Variants in ARFGEF2 observed in about 807,000 individuals in gnomAD.
ARFGEF2 encodes the protein ARF guanine nucleotide exchange factor 2.
Under a neutral mutation model 219.9 loss-of-function variants are expected in ARFGEF2, and 74 were observed. The ratio of observed to expected loss-of-function variants is 0.34; its 90% CI spans 0.28 to 0.41. The LOEUF (loss-of-function observed/expected upper bound fraction) is 0.41, where lower values mean the gene tolerates loss of function less well. Ranked by LOEUF, ARFGEF2 falls within the 10% of genes least tolerant of loss-of-function variation. The pLI is 1.00. For missense variants in ARFGEF2, 1,743 were observed against 2,218.3 expected (o/e 0.79, Z 4.30); for synonymous variants, 733 against 799.2 (o/e 0.92, Z 1.40).
intron 1 of ARFGEF2, among the ~76,000 whole-genome samples, chr20:48,933,955 A>T (rs985534608): frequency 6.6e-6 from 1 of 151,998 alleles, no homozygotes; most frequent in Non-Finnish European, 1.5e-5. Context: ...CCCTGTCTCT[A>T]CTAAAAATAT....
At chr20:49,012,889 G>C (rs905111133) in intron 28 of ARFGEF2, among the ~76,000 whole-genome samples, 1 of 152,158 alleles carries the variant, frequency 6.6e-6, no homozygotes, top group Non-Finnish European at 1.5e-5. Flanking sequence ...TACATAACCA[G>C]AGTTGCTAAA....
intron 25 of ARFGEF2, among the ~76,000 whole-genome samples, chr20:48,999,765 A>AG (rs1568730203): frequency 1.3e-5 from 2 of 149,570 alleles, no homozygotes; most frequent in Admixed American, 6.7e-5. Flanking sequence ...AAAAAAAAAA[A>AG]AAAGAAATGT....
chr20:48,979,275 G>A (rs554756213), intron 14 of ARFGEF2, among the ~76,000 whole-genome samples: 2 of 152,202 alleles, frequency 1.3e-5, no homozygotes, highest in Non-Finnish European at 2.9e-5. Flanking sequence ...GATGGATTAC[G>A]TTTATTGATT....
chr20:49,028,406 C>T (rs2091615580), intron 36 of ARFGEF2, 124 bp from the exon 37 acceptor site: 2 of 1,098,692 alleles, frequency 1.8e-6, no homozygotes, highest in East Asian at 2.5e-5. Flanking sequence ...GGTGACAGAG[C>T]AAGACTATCT....
At chr20:48,981,859 G>A (rs2091297777) in intron 14 of ARFGEF2, among the ~76,000 whole-genome samples, 2 of 152,238 alleles carry the variant, frequency 1.3e-5, no homozygotes, top group South Asian at 4.1e-4. Flanking sequence ...TCTCTACACT[G>A]TTTATTCTAG....
chr20:48,976,053 G>C lies in ARFGEF2; in HGVS notation c.1812G>C (p.Gly604=), dbSNP rs1200368296. Residue 604 remains glycine, a synonymous_variant, in exon 14 of 39, where the codon GGG becomes GGC. Coordinates refer to ENST00000371917, the MANE Select transcript of ARFGEF2 (RefSeq NM_006420.3). ...ERLTDQEIGD[G]KGLDMARRCS... is the part of the protein sequence containing the mutation. ...TCACGGATCAGGAAATAGGGGATGG[G>C]AAAGGCCTTGACATGGCAAGACGGT... 6.2e-7 allele frequency: 1 copy of C among 1,612,700 alleles called. No homozygotes were observed. Among genetic ancestry groups the C allele is most frequent in the East Asian group, 2.2e-5 (1 of 44,886 alleles).
At chr20:48,978,650 C>T (rs1267997951) in intron 14 of ARFGEF2, among the ~76,000 whole-genome samples, 1 of 152,136 alleles carries the variant, frequency 6.6e-6, no homozygotes, top group Non-Finnish European at 1.5e-5. Context: ...TTTCGTTGAA[C>T]AGTGGTTTAT....
Position 49,023,521 on chromosome 20 carries a change from TG to T in ARFGEF2, c.4755+342del, listed in dbSNP as rs1450528532. 6.8e-4 allele frequency among the ~76,000 whole-genome samples: 66 copies of T among 96,770 alleles called. 1 individual carries two copies. The highest frequency in any genetic ancestry group is 3.5e-3 in the Admixed American group (33 of 9,376). The allele number at this position is 96,770 out of a possible 152,430, so 63.5% of individuals were successfully genotyped here. A position where few individuals can be genotyped will look rare whatever the true frequency, so the allele number is the denominator to read the frequency against. On this transcript the variant is annotated intron_variant, in intron 35 of 38. Coordinates refer to ENST00000371917, the MANE Select transcript of ARFGEF2 (RefSeq NM_006420.3). ...CACAATTGATATACAGTTTTTTTTCTGGTTTTTTTTTTTTTGTTTTTTTTTT... is the reference window on the plus strand; with the variant it reads ...CACAATTGATATACAGTTTTTTTTCTGTTTTTTTTTTTTTGTTTTTTTTTT...
intron 7 of ARFGEF2, among the ~76,000 whole-genome samples, chr20:48,964,327 C>G (rs777016753): frequency 6.6e-6 from 1 of 152,166 alleles, no homozygotes; most frequent in African/African-American, 2.4e-5. Context: ...ATTGCTTGAA[C>G]CTGGATGGTG....
At chr20:48,980,427 G>C (rs1306348868) in intron 14 of ARFGEF2, among the ~76,000 whole-genome samples, 1 of 149,800 alleles carries the variant, frequency 6.7e-6, no homozygotes, top group Non-Finnish European at 1.5e-5. Flanking sequence ...TGGAATAAGT[G>C]CAATGTGGTG....
At chr20:48,962,637 GT>G (rs1353862066) in intron 6 of ARFGEF2, among the ~76,000 whole-genome samples, 2 of 152,240 alleles carry the variant, frequency 1.3e-5, no homozygotes, top group East Asian at 3.9e-4. Context: ...TGTTTCTGGG[GT>G]TTTCTAATTT....
chr20:48,993,643 T>C (rs1393913287), intron 21 of ARFGEF2, among the ~76,000 whole-genome samples: 1 of 152,184 alleles, frequency 6.6e-6, no homozygotes, highest in African/African-American at 2.4e-5. Context: ...GTAAGTTTCA[T>C]GTAGCCAGTG....
intron 28 of ARFGEF2, 62 bp from the exon 29 acceptor site, chr20:49,013,502 C>G (rs544913026): frequency 5.6e-6 from 9 of 1,608,682 alleles, no homozygotes; most frequent in South Asian, 5.5e-5. Flanking sequence ...GCATATAGTT[C>G]CCTTTCAGTT....
At chr20:49,022,441 A>AC (rs146258760) in intron 34 of ARFGEF2, among the ~76,000 whole-genome samples, 1 of 141,028 alleles carries the variant, frequency 7.1e-6, no homozygotes, top group African/African-American at 2.8e-5. Context: ...AAAAAAAAAA[A>AC]CCCACAAGCT....
intron 14 of ARFGEF2, among the ~76,000 whole-genome samples, chr20:48,976,935 CATTTT>C (rs59427522): frequency 0.33 from 48,127 of 146,252 alleles, 8,001 homozygotes; most frequent in South Asian, 0.43. Flanking sequence ...TTTTTTTAGG[CATTTT>C]ATTTTATTTT....
chr20:48,993,727 T>G (rs542261592), intron 21 of ARFGEF2, among the ~76,000 whole-genome samples: 1 of 152,256 alleles, frequency 6.6e-6, no homozygotes, highest in Non-Finnish European at 1.5e-5. Flanking sequence ...CGTGTGCAGA[T>G]CTGCATTCTC....
At chr20:48,976,725 G>A (rs975383361) in intron 14 of ARFGEF2, among the ~76,000 whole-genome samples, 74 of 151,966 alleles carry the variant, frequency 4.9e-4, no homozygotes, top group African/African-American at 1.6e-3. Context: ...GGAGAATGGC[G>A]TGAACCTGGG....
chr20:48,979,342 A>G (rs2091281600), intron 14 of ARFGEF2, among the ~76,000 whole-genome samples: 1 of 152,168 alleles, frequency 6.6e-6, no homozygotes. Context: ...ATCGTGGTGG[A>G]TAAGCTTTTT....
At chr20:48,939,254 T>C (rs1425190822) in intron 1 of ARFGEF2, among the ~76,000 whole-genome samples, 1 of 152,130 alleles carries the variant, frequency 6.6e-6, no homozygotes, top group African/African-American at 2.4e-5. Context: ...ATTACAGGCA[T>C]GAGCCACCGC....
Sources: gnomAD v4.1 joint callset for allele counts (sites outside exome capture counted in the v4.1 genomes callset) on GRCh38, gnomAD v4.1.1 for gene constraint, MANE v1.5 for transcripts, NCBI Gene and HGNC (gene_info 2026-07-23, HGNC 2026-07-21) for gene names.